CCDC178: variants seen among roughly 807,000 people sequenced by gnomAD.
The protein encoded by CCDC178 is coiled-coil domain containing 178, also known as coiled-coil domain-containing protein 178.
Under a neutral mutation model 117.4 loss-of-function variants are expected in CCDC178, and 126 were observed. The ratio of observed to expected loss-of-function variants is 1.07; its 90% CI spans 0.93 to 1.24. CCDC178 has a LOEUF of 1.24. Among genes scored for constraint, CCDC178 ranks in the 50% most tolerant of loss-of-function variants. The pLI is 0.00. For synonymous variants in CCDC178, 283 were observed against 313.4 expected (o/e 0.90, Z 1.02); for missense variants, 1,030 against 986.9 (o/e 1.04, Z -0.59).
chr18:33,165,536 A>C (rs2144399899), intron 20 of CCDC178, among the ~76,000 whole-genome samples: 1 of 152,290 alleles, frequency 6.6e-6, no homozygotes, highest in South Asian at 2.1e-4. Context: ...TGACTGAATA[A>C]GTTCTACAAA....
chr18:33,398,289 TA>T lies in CCDC178; in HGVS notation c.59-1082del, dbSNP rs1167742680. On this transcript the variant is annotated intron_variant, in intron 3 of 22. Transcript: ENST00000383096. The stretch of plus-strand genomic sequence containing the variant: ...TATGAAAATAAATTATATTCCATGA[TA>T]AGATATGATACCCACAAAAATTAAA... 3.0e-3 allele frequency among the ~76,000 whole-genome samples: 462 copies of T among 152,152 alleles called. 1 individual carries two copies. Among genetic ancestry groups the T allele is most frequent in the African/African-American group, 0.011 (442 of 41,550 alleles).
chr18:33,283,514 C>A (rs995896916), intron 12 of CCDC178, among the ~76,000 whole-genome samples: 1 of 152,042 alleles, frequency 6.6e-6, no homozygotes, highest in Non-Finnish European at 1.5e-5. Flanking sequence ...GCAAATTATG[C>A]AGCTAACAAA....
rs1782077702 is a variant in CCDC178, at chr18:33,348,879, A to G, written c.457+11T>C. 3 of 1,573,378 alleles carry G rather than the reference A, an allele frequency of 1.9e-6. No individual in the cohort carries two copies. The highest frequency in any genetic ancestry group is 1.7e-6 in the Non-Finnish European group (2 of 1,144,978). On this transcript the variant is annotated intron_variant, in intron 8 of 22. Coordinates refer to ENST00000383096, the MANE Select transcript of CCDC178 (RefSeq NM_001105528.4). ...TATATACAGTTATTCAAGTAGGAGG[A>G]ACAACTTTACCTCTCTTTTCTCCTG...
intron 11 of CCDC178, among the ~76,000 whole-genome samples, chr18:33,297,735 T>C (rs2062123581): frequency 6.6e-6 from 1 of 152,086 alleles, no homozygotes; most frequent in Non-Finnish European, 1.5e-5. Flanking sequence ...CTGCATTCTA[T>C]TGAACCTTTA....
At chr18:33,153,999 A>G (rs942941047) in intron 20 of CCDC178, among the ~76,000 whole-genome samples, 5 of 152,130 alleles carry the variant, frequency 3.3e-5, no homozygotes, top group African/African-American at 7.2e-5. Context: ...TTACTATTCA[A>G]CTTAAAATAT....
chr18:33,348,679 C>T (rs2062929054), intron 8 of CCDC178, among the ~76,000 whole-genome samples: 1 of 151,818 alleles, frequency 6.6e-6, no homozygotes, highest in East Asian at 1.9e-4. Flanking sequence ...CACTCATCAC[C>T]TAAACCAGTA....
In CCDC178 at chr18:32,938,093, T is replaced by C. The variant is rs2054159611; in HGVS notation, c.2524-2A>G. 6.2e-7 allele frequency: 1 copy of C among 1,609,430 alleles called. No homozygotes were observed. Among genetic ancestry groups the C allele is most frequent in the Non-Finnish European group, 8.5e-7 (1 of 1,175,980 alleles). Reference sequence around the variant, plus strand: ...TTGCATTAAATTTGAAGATTCCTCCTGTTCAGAAGCAAGAAACAAACAAAA... The same window carrying C: ...TTGCATTAAATTTGAAGATTCCTCCCGTTCAGAAGCAAGAAACAAACAAAA... On this transcript the variant is annotated splice_acceptor_variant, in intron 22 of 22. Transcript: ENST00000383096. LOFTEE classifies it high-confidence loss of function.
intron 22 of CCDC178, among the ~76,000 whole-genome samples, chr18:32,970,050 G>A (rs534594028): frequency 1.4e-4 from 21 of 152,152 alleles, no homozygotes; most frequent in Non-Finnish European, 2.5e-4. Context: ...GCTGGGACAG[G>A]CCTTTGGTTC....
chr18:33,075,174 C>T (rs1335119883), intron 21 of CCDC178, among the ~76,000 whole-genome samples: 6 of 152,114 alleles, frequency 3.9e-5, no homozygotes, highest in African/African-American at 1.4e-4. Context: ...TCTATGAATG[C>T]CTCTTTTTCC....
chr18:33,112,824 CAG>C lies in CCDC178; in HGVS notation c.2239-19916_2239-19915del, dbSNP rs1328359231. Among the ~76,000 whole-genome samples the C allele has an allele frequency of 7.9e-5, 12 of 151,798 alleles. No homozygotes were observed. In the Admixed American group the frequency reaches 7.9e-4, roughly 10 times the overall value. On this transcript the variant is annotated intron_variant, in intron 20 of 22. Transcript: ENST00000383096. Reference sequence around the variant, plus strand: ...CACACGTATTTATGTCCAAGACAAACAGAAGATGATGGGGGAATTCCTGCATT... The same window carrying C: ...CACACGTATTTATGTCCAAGACAAACAAGATGATGGGGGAATTCCTGCATT...
chr18:33,417,970 G>A (rs749141472), intron 2 of CCDC178, among the ~76,000 whole-genome samples: 4 of 152,086 alleles, frequency 2.6e-5, no homozygotes, highest in African/African-American at 7.2e-5. Context: ...TGAGGAGGAG[G>A]AATTCCTCCC....
At chr18:33,065,301 T>A (rs558290743) in intron 21 of CCDC178, among the ~76,000 whole-genome samples, 1 of 152,190 alleles carries the variant, frequency 6.6e-6, no homozygotes, top group Non-Finnish European at 1.5e-5. Context: ...ACATTAAATA[T>A]CCTGATTTTA....
chr18:33,362,054 A>G (rs1397277267), intron 6 of CCDC178, among the ~76,000 whole-genome samples: 1 of 151,692 alleles, frequency 6.6e-6, no homozygotes, highest in Non-Finnish European at 1.5e-5. Flanking sequence ...AACAACCTGA[A>G]TGTTCATCGA....
chr18:33,293,491 C>T (rs1261736970), intron 11 of CCDC178, among the ~76,000 whole-genome samples, 179 bp from the exon 12 acceptor site: 3 of 53,768 alleles, frequency 5.6e-5, no homozygotes, highest in African/African-American at 1.7e-4. Flanking sequence ...GAGACAATGC[C>T]TTTACAAAAA....
intron 5 of CCDC178, among the ~76,000 whole-genome samples, chr18:33,383,512 G>A (rs1310881076): frequency 1.3e-5 from 2 of 152,014 alleles, no homozygotes; most frequent in African/African-American, 2.4e-5. Flanking sequence ...AGCTTCCAGA[G>A]GAAAGAGCAG....
At chr18:33,128,817 T>G (rs1189681947) in intron 20 of CCDC178, among the ~76,000 whole-genome samples, 1 of 152,154 alleles carries the variant, frequency 6.6e-6, no homozygotes, top group Admixed American at 6.5e-5. Flanking sequence ...AATTTTCTTT[T>G]TTTGTAAATG....
At chr18:32,975,431 C>A (rs553633446) in intron 21 of CCDC178, among the ~76,000 whole-genome samples, 1 of 152,180 alleles carries the variant, frequency 6.6e-6, no homozygotes, top group South Asian at 2.1e-4. Flanking sequence ...AATATAAAAA[C>A]CAAAAGAAAA....
At chr18:33,141,795 C>T (rs564228484) in intron 20 of CCDC178, among the ~76,000 whole-genome samples, 29 of 152,194 alleles carry the variant, frequency 1.9e-4, no homozygotes, top group African/African-American at 5.1e-4. Context: ...GCTGATCATG[C>T]GACAACATTC....
rs1156451137 is a variant in CCDC178, at chr18:33,349,050, T to C, written c.372-75A>G. The C allele has an allele frequency of 7.2e-6, 6 of 827,606 alleles. No individual in the cohort carries two copies. In the African/African-American group the frequency reaches 1.0e-4, roughly 14 times the overall value. The allele number at this position is 827,606 out of a possible 1,614,324, so 51.3% of individuals were successfully genotyped here. ...AAACAAATTTTAGGTTATGCTCTTC[T>C]ATTGAATTTTAAATATTTGTGGTGA... On this transcript the variant is annotated intron_variant, in intron 7 of 22. Coordinates refer to ENST00000383096, the MANE Select transcript of CCDC178 (RefSeq NM_001105528.4).
Sources: allele counts gnomAD v4.1 joint callset (sites outside exome capture counted in the v4.1 genomes callset), GRCh38; gene constraint gnomAD v4.1.1; transcripts MANE v1.5; gene names NCBI Gene and HGNC (gene_info 2026-07-23, HGNC 2026-07-21).